NEK10: variants seen among roughly 807,000 people sequenced by gnomAD.
The protein encoded by NEK10 is serine/threonine-protein kinase Nek10.
In NEK10, 122 loss-of-function variants were observed where a neutral mutation model predicts 159.8. The observed-to-expected ratio is 0.76, with a 90% CI of 0.66 to 0.89. The LOEUF is 0.89. Among genes scored for constraint, NEK10 ranks in the 40% least tolerant of loss-of-function variants. NEK10 has a pLI of 0.00. For synonymous variants in NEK10, 466 were observed against 457.1 expected (o/e 1.02, Z -0.25); for missense variants, 1,342 against 1,323.1 (o/e 1.01, Z -0.22).
At chr3:27,187,130 C>T (rs957079069) in intron 26 of NEK10, among the ~76,000 whole-genome samples, 1 of 152,172 alleles carries the variant, frequency 6.6e-6, no homozygotes, top group African/African-American at 2.4e-5. Context: ...ATGCCATAAA[C>T]ATTTAATAAG....
Position 27,297,205 on chromosome 3 carries a change from C to T in NEK10, c.1204G>A (p.Asp402Asn), listed in dbSNP as rs759820164. ...TGAACCACCTGGTGGGCATTGGTGT[C>T]ATTGAGCACCAGCTCAGTGAGGGCA... ...CAALTELVLN[D>N]TNAHQVVQEN... is the part of the protein sequence containing the mutation. Residue 402 changes from aspartate (D) to asparagine (N), a missense_variant, in exon 14 of 36, where the codon GAC becomes AAC. Asp to Asn is a conservative substitution (Grantham distance 23). Coordinates refer to ENST00000691995, the MANE Select transcript of NEK10 (RefSeq NM_001394966.1). 1 of 1,613,224 alleles carries T rather than the reference C, an allele frequency of 6.2e-7. No homozygotes were observed. Among genetic ancestry groups the T allele is most frequent in the South Asian group, 1.1e-5 (1 of 91,044 alleles).
At chr3:27,171,154 A>G (rs536943276) in intron 29 of NEK10, among the ~76,000 whole-genome samples, 2 of 152,326 alleles carry the variant, frequency 1.3e-5, no homozygotes, top group Admixed American at 1.3e-4. Flanking sequence ...GAACTTGCAG[A>G]AGGCTCAATC....
intron 1 of NEK10, among the ~76,000 whole-genome samples, chr3:27,365,091 G>T (rs73821969): frequency 0.03 from 4,600 of 152,216 alleles, 243 homozygotes; most frequent in African/African-American, 0.1. Flanking sequence ...CATTTATCCA[G>T]CTCTCTATTC....
At chr3:27,239,085 A>G (rs1018612799) in intron 23 of NEK10, among the ~76,000 whole-genome samples, 1 of 152,104 alleles carries the variant, frequency 6.6e-6, no homozygotes, top group African/African-American at 2.4e-5. Flanking sequence ...GACCAATCAA[A>G]GGTACTTTCC....
intron 1 of NEK10, among the ~76,000 whole-genome samples, chr3:27,361,745 C>T (rs2048699150): frequency 6.6e-6 from 1 of 152,138 alleles, no homozygotes; most frequent in Non-Finnish European, 1.5e-5. Flanking sequence ...ACTGAATCAA[C>T]AAATTGATGT....
chr3:27,204,275 C>CTTTTTTTTTT (rs1203026508), intron 23 of NEK10, among the ~76,000 whole-genome samples: 28 of 63,928 alleles, frequency 4.4e-4, no homozygotes, highest in East Asian at 9.2e-4. Context: ...GATAAATTTT[C>CTTTTTTTTTT]TTTTTTTTTT....
intron 3 of NEK10, 46 bp downstream of exon 3, chr3:27,352,419 A>G: frequency 1.6e-6 from 2 of 1,282,792 alleles, no homozygotes; most frequent in Non-Finnish European, 2.3e-6. Flanking sequence ...TTGGAAACAT[A>G]TGATTTTTCT....
Position 27,171,866 on chromosome 3 carries a change from T to C in NEK10, c.2784A>G (p.Leu928=), listed in dbSNP as rs1325538451. Reference sequence around the variant, plus strand: ...CTCCTGAAGCACTAAAACTTCTCTTTAAAATGTCTGAGACGAGAAAATAGA... The same window carrying C: ...CTCCTGAAGCACTAAAACTTCTCTTCAAAATGTCTGAGACGAGAAAATAGA... ...SPLKESTFNI[L]KRSFSASGGE... Residue 928 remains leucine, a synonymous_variant, in exon 29 of 36, where the codon TTA becomes TTG. Transcript: ENST00000691995. The C allele has an allele frequency of 6.2e-7, 1 of 1,613,346 alleles. No homozygotes were observed. Among genetic ancestry groups the C allele is most frequent in the Admixed American group, 1.7e-5 (1 of 59,948 alleles).
chr3:27,315,933 T>G (rs2045125379), intron 6 of NEK10, among the ~76,000 whole-genome samples: 1 of 151,896 alleles, frequency 6.6e-6, no homozygotes, highest in Non-Finnish European at 1.5e-5. Flanking sequence ...GAGGTGAAAA[T>G]AAAGGAGATT....
intron 26 of NEK10, among the ~76,000 whole-genome samples, chr3:27,180,083 G>GA (rs1244182468): frequency 6.7e-6 from 1 of 149,706 alleles, no homozygotes; most frequent in Non-Finnish European, 1.5e-5. Context: ...TCTGTCTCAA[G>GA]AAAAAAAAGA....
At chr3:27,343,514 C>T (rs1252923896) in intron 5 of NEK10, among the ~76,000 whole-genome samples, 3 of 152,156 alleles carry the variant, frequency 2.0e-5, no homozygotes, top group African/African-American at 7.2e-5. Flanking sequence ...TCTTTATAGG[C>T]ATTTTTCAGC....
chr3:27,131,482 T>C (rs7618713), intron 32 of NEK10, among the ~76,000 whole-genome samples: 38,618 of 152,080 alleles, frequency 0.25, 5,360 homozygotes, highest in African/African-American at 0.37. Flanking sequence ...CAGTCAGCTT[T>C]CATAGATAAT....
intron 23 of NEK10, among the ~76,000 whole-genome samples, chr3:27,241,274 A>G (rs1038785408): frequency 6.6e-6 from 1 of 152,200 alleles, no homozygotes; most frequent in Non-Finnish European, 1.5e-5. Flanking sequence ...CTGTTGTGAC[A>G]GTCAAAGTTG....
At position 27,312,123 on chromosome 3, in the gene NEK10, C is replaced by T; in HGVS notation, c.544G>A (p.Val182Met). 1.9e-6 allele frequency: 3 copies of T among 1,612,610 alleles called. No homozygotes were observed. Among genetic ancestry groups the T allele is most frequent in the Non-Finnish European group, 2.5e-6 (3 of 1,179,026 alleles). ...YLGYGEEQHTVDKLVNMTYIF... is the reference protein window; with the variant it reads ...YLGYGEEQHTMDKLVNMTYIF... ...CATGTCATGTTGACCAGCTTGTCCA[C>T]AGTGTGCTGCTCTTCTCCATAGCCG... Residue 182 changes from valine to methionine, a missense_variant, in exon 8 of 36, where the codon GTG becomes ATG. Transcript: ENST00000691995.
At chr3:27,310,820 A>T in intron 9 of NEK10, 129 bp downstream of exon 9, 1 of 544,320 alleles carries the variant, frequency 1.8e-6, no homozygotes, top group Non-Finnish European at 3.3e-6. Flanking sequence ...AAGATCCACA[A>T]TCTCAGGCCA....
intron 33 of NEK10, among the ~76,000 whole-genome samples, chr3:27,118,154 T>C (rs931465291): frequency 9.9e-5 from 15 of 152,256 alleles, no homozygotes; most frequent in Non-Finnish European, 2.1e-4. Context: ...TTCTGAGTTC[T>C]CTATTCTGTT....
At chr3:27,210,579 T>C (rs1296909932) in intron 23 of NEK10, among the ~76,000 whole-genome samples, 1 of 152,186 alleles carries the variant, frequency 6.6e-6, no homozygotes, top group Non-Finnish European at 1.5e-5. Flanking sequence ...CCATAACCTG[T>C]CTTGCACAAT....
At chr3:27,214,977 C>A (rs1208924737) in intron 23 of NEK10, 7 of 712,962 alleles carry the variant, frequency 9.8e-6, no homozygotes, top group Middle Eastern at 2.8e-4. Context: ...CGACCACATC[C>A]GCCAGGCACC....
chr3:27,364,474 C>T (rs1452594933), intron 1 of NEK10, among the ~76,000 whole-genome samples: 2 of 151,970 alleles, frequency 1.3e-5, no homozygotes, highest in Admixed American at 6.6e-5. Flanking sequence ...CTGATCCACC[C>T]GCCTTGGCCT....
Sources: gnomAD v4.1 joint callset for allele counts (sites outside exome capture counted in the v4.1 genomes callset) on GRCh38, gnomAD v4.1.1 for gene constraint, MANE v1.5 for transcripts, NCBI Gene and HGNC (gene_info 2026-07-23, HGNC 2026-07-21) for gene names.